TBCK: variants seen among roughly 807,000 people sequenced by gnomAD.
The protein encoded by TBCK is TBC1 domain containing kinase.
A neutral mutation model predicts 113.4 loss-of-function variants in TBCK; 99 were observed. That is an observed-to-expected ratio of 0.87 (90% CI 0.74 to 1.03). The LOEUF (loss-of-function observed/expected upper bound fraction) is 1.03, where lower values mean the gene tolerates loss of function less well. Among genes scored for constraint, TBCK ranks in the 50% least tolerant of loss-of-function variants. The probability of loss-of-function intolerance (pLI) is 0.00; values close to 1 mark genes in which losing one functional copy is unlikely to be tolerated. For missense variants in TBCK, 1,045 were observed against 1,061.3 expected, an observed-to-expected ratio of 0.98 and a Z score of 0.21; for synonymous variants, 369 against 370.8, an observed-to-expected ratio of 1.00 and a Z score of 0.05.
chr4:106,195,423 T>G (rs1016605932), intron 20 of TBCK, among the ~76,000 whole-genome samples: 6 of 151,852 alleles, frequency 4.0e-5, no homozygotes, highest in African/African-American at 1.2e-4. Flanking sequence ...TTCTGAGATT[T>G]TAAAGATCCT....
chr4:106,243,764 G>A (rs1164934307), intron 11 of TBCK, among the ~76,000 whole-genome samples: 3 of 152,084 alleles, frequency 2.0e-5, no homozygotes, highest in African/African-American at 7.2e-5. Flanking sequence ...TTGGCTCACT[G>A]CAGCCTCAAC....
At chr4:106,214,473 T>G (rs1216268284) in intron 19 of TBCK, among the ~76,000 whole-genome samples, 1 of 150,030 alleles carries the variant, frequency 6.7e-6, no homozygotes, top group Non-Finnish European at 1.5e-5. Context: ...TTGAAAAAAA[T>G]TTAGAAGAAT....
chr4:106,136,490 T>C (rs1380181522), intron 23 of TBCK, among the ~76,000 whole-genome samples: 1 of 141,186 alleles, frequency 7.1e-6, no homozygotes, highest in Non-Finnish European at 1.6e-5. Flanking sequence ...GCCGTATAAA[T>C]AACTGGGGGT....
chr4:106,106,776 A>G (rs758408034), intron 24 of TBCK, among the ~76,000 whole-genome samples: 170 of 152,256 alleles, frequency 1.1e-3, no homozygotes, highest in Non-Finnish European at 2.2e-3. Flanking sequence ...ACAAAACCCA[A>G]TCCACACATA....
At chr4:106,122,717 C>G (rs1343671520) in intron 23 of TBCK, among the ~76,000 whole-genome samples, 1 of 152,038 alleles carries the variant, frequency 6.6e-6, no homozygotes, top group Non-Finnish European at 1.5e-5. Flanking sequence ...AAGGCTGGTT[C>G]AATATACACA....
intron 18 of TBCK, 59 bp downstream of exon 18, chr4:106,231,670 T>C: frequency 6.7e-7 from 1 of 1,503,596 alleles, no homozygotes; most frequent in Non-Finnish European, 9.1e-7. Context: ...CTTTCATGTG[T>C]GAATCAAATA....
chr4:106,099,765 T>G lies in TBCK; in HGVS notation c.2412-4124A>C, dbSNP rs568650419. ...CTTGCCTATTTCAGATATTGATTTG[T>G]CTTGAGCTTAAACTACTGTAGTAAC... On this transcript the variant is annotated intron_variant, in intron 24 of 25. Transcript: ENST00000394708. 3.3e-5 allele frequency among the ~76,000 whole-genome samples: 5 copies of G among 152,304 alleles called. No individual in the cohort carries two copies. In the South Asian group the frequency reaches 8.3e-4, roughly 25 times the overall value.
chr4:106,172,867 T>A (rs966148834), intron 22 of TBCK, among the ~76,000 whole-genome samples: 37 of 152,168 alleles, frequency 2.4e-4, no homozygotes, highest in Non-Finnish European at 5.9e-5. Flanking sequence ...TCCCACCTTC[T>A]ATTTCTGCTA....
At chr4:106,106,895 C>T (rs1742229713) in intron 24 of TBCK, among the ~76,000 whole-genome samples, 1 of 152,058 alleles carries the variant, frequency 6.6e-6, no homozygotes, top group Admixed American at 6.6e-5. Flanking sequence ...AAGAGACTAT[C>T]TCACACATAA....
At chr4:106,159,605 A>G (rs1749525014) in intron 23 of TBCK, among the ~76,000 whole-genome samples, 1 of 152,108 alleles carries the variant, frequency 6.6e-6, no homozygotes, top group Non-Finnish European at 1.5e-5. Context: ...GAAAACAACA[A>G]AAGAATGCTG....
In TBCK at chr4:106,304,346, C is replaced by G. The variant is rs150531219; in HGVS notation, c.193+4422G>C. 9.2e-4 allele frequency among the ~76,000 whole-genome samples: 140 copies of G among 152,262 alleles called. 1 individual carries two copies. Among genetic ancestry groups the G allele is most frequent in the Admixed American group, 8.6e-3 (131 of 15,292 alleles). ...AAAGAACAATAAAGCAAACCCATAA[C>G]AACAGACATAAGATCAGATCAGAGA... is the stretch of plus-strand genomic sequence containing the variant. On this transcript the variant is annotated intron_variant, in intron 2 of 25. Coordinates refer to ENST00000394708, the MANE Select transcript of TBCK (RefSeq NM_001163435.3).
chr4:106,049,479 T>A (rs992160858), intron 25 of TBCK, among the ~76,000 whole-genome samples: 2 of 152,066 alleles, frequency 1.3e-5, no homozygotes, highest in African/African-American at 4.8e-5. Context: ...CAGACAATAT[T>A]CTTTGTGGCT....
rs1460540131 is a variant in TBCK, at chr4:106,233,001, C to A, written c.1576G>T (p.Ala526Ser). 6.8e-6 allele frequency: 11 copies of A among 1,612,430 alleles called. No homozygotes were observed. The highest frequency in any genetic ancestry group is 7.6e-6 in the Non-Finnish European group (9 of 1,178,874). Residue 526 changes from alanine to serine, a missense_variant, in exon 17 of 26, where the codon GCA (alanine) becomes TCA (serine). Coordinates refer to ENST00000394708, the MANE Select transcript of TBCK (RefSeq NM_001163435.3). ...DELLSSPEGH[A>S]KFRRVLKAWV... ...GCTTTTAATACACGCCTAAATTTTG[C>A]ATGACCTTCTGGTGATGATAACAGT...
chr4:106,068,895 T>A (rs1427552974), intron 25 of TBCK, among the ~76,000 whole-genome samples: 1 of 152,224 alleles, frequency 6.6e-6, no homozygotes, highest in Non-Finnish European at 1.5e-5. Flanking sequence ...TGATGACCAG[T>A]GATCATGAGC....
intron 23 of TBCK, among the ~76,000 whole-genome samples, chr4:106,162,140 G>T (rs1329582133): frequency 6.6e-6 from 1 of 152,058 alleles, no homozygotes; most frequent in Non-Finnish European, 1.5e-5. Flanking sequence ...GGAGAAATTG[G>T]CCAAAACAAC....
At chr4:106,279,936 T>G (rs188525709) in intron 3 of TBCK, among the ~76,000 whole-genome samples, 92 of 152,272 alleles carry the variant, frequency 6.0e-4, no homozygotes, top group Middle Eastern at 6.8e-3. Context: ...TCCTTTCTTT[T>G]GGGTATATAC....
intron 23 of TBCK, among the ~76,000 whole-genome samples, chr4:106,133,866 C>T (rs1056234184): frequency 2.0e-5 from 3 of 151,946 alleles, no homozygotes; most frequent in Admixed American, 6.6e-5. Flanking sequence ...AAAAATTAGC[C>T]GGGCATGGTG....
chr4:106,068,832 G>T (rs1368529950), intron 25 of TBCK, among the ~76,000 whole-genome samples: 1 of 152,048 alleles, frequency 6.6e-6, no homozygotes, highest in African/African-American at 2.4e-5. Context: ...TTTAATGATC[G>T]CCATTCTAAC....
At chr4:106,243,332 T>C (rs577226479) in intron 11 of TBCK, among the ~76,000 whole-genome samples, 28 of 152,128 alleles carry the variant, frequency 1.8e-4, no homozygotes, top group African/African-American at 6.7e-4. Context: ...TAGAAAAAGA[T>C]AAAGGGAAGA....
Sources: gnomAD v4.1 joint callset for allele counts (sites outside exome capture counted in the v4.1 genomes callset) on GRCh38, gnomAD v4.1.1 for gene constraint, MANE v1.5 for transcripts, NCBI Gene and HGNC (gene_info 2026-07-23, HGNC 2026-07-21) for gene names.